Variants in AGPAT4 observed in about 807,000 individuals in gnomAD.
AGPAT4 encodes the protein 1-acylglycerol-3-phosphate O-acyltransferase 4.
In AGPAT4, 15 loss-of-function variants were observed where a neutral mutation model predicts 48.0. The observed-to-expected ratio is 0.31, with a 90% confidence interval of 0.21 to 0.48. AGPAT4 has a LOEUF of 0.48. Among genes scored for constraint, AGPAT4 ranks in the 20% least tolerant of loss-of-function variants. AGPAT4 has a pLI of 0.99. For missense variants in AGPAT4, 314 were observed against 482.5 expected (o/e 0.65, Z 3.27); for synonymous variants, 178 against 198.7 (o/e 0.90, Z 0.88).
chr6:161,154,223 G>A lies in AGPAT4; in HGVS notation c.436C>T (p.Arg146Cys). The change falls in exon 4 of 9, where the codon CGC (arginine) becomes TGC (cysteine). Residue 146 changes from arginine to cysteine, a missense_variant. By Grantham distance (180) the Arg-to-Cys change is radical (BLOSUM62 -3). Transcript: ENST00000320285. This position sits in a 1 kb window ranked among gnomAD's most constrained non-coding sequence, Gnocchi z 7.8. ...GTCTTGCGATCCTGCTCCCACTTGC[G>A]CGAACAGAAGACCATCTCGGTGAAG... Reference protein sequence around the residue: ...WYFTEMVFCSRKWEQDRKTVA... With the variant: ...WYFTEMVFCSCKWEQDRKTVA... The A allele has an allele frequency of 4.3e-6, 7 of 1,614,068 alleles. No individual in the cohort carries two copies. The highest frequency in any genetic ancestry group is 4.2e-6 in the Non-Finnish European group (5 of 1,180,010).
chr6:161,236,114 G>A lies in AGPAT4; in HGVS notation c.-89-3812C>T, dbSNP rs543291998. Among the ~76,000 whole-genome samples the A allele has an allele frequency of 9.2e-5, 14 of 152,242 alleles. No homozygotes were observed. The highest frequency in any genetic ancestry group is 2.9e-4 in the African/African-American group (12 of 41,530). On this transcript the variant is annotated intron_variant, in intron 1 of 8. Coordinates refer to ENST00000320285, the MANE Select transcript of AGPAT4 (RefSeq NM_020133.3). This position sits in a 1 kb window ranked among gnomAD's most constrained non-coding sequence, Gnocchi z 5.0. ...GCTTTGCAAGTACCTAGAATGTGACGGAAAGAGTCTTTCCAGCAAATCCAC... is the reference window on the plus strand; with the variant it reads ...GCTTTGCAAGTACCTAGAATGTGACAGAAAGAGTCTTTCCAGCAAATCCAC...
rs1204865767 is a variant in AGPAT4, at chr6:161,259,003, G to T, written c.-90+14935C>A. ...AGTAGAGACAGGGTTTCATCATACA[G>T]GCAAGGCTGGTATCAAACTCCTGAC... On this transcript the variant is annotated intron_variant, in intron 1 of 8. Transcript: ENST00000320285. The surrounding 1 kb of genome is among the most constrained non-coding windows in gnomAD (Gnocchi z 4.9). Among the ~76,000 whole-genome samples the T allele has an allele frequency of 6.6e-6, 1 of 151,970 alleles. No individual in the cohort carries two copies. Among genetic ancestry groups the T allele is most frequent in the Non-Finnish European group, 1.5e-5 (1 of 68,002 alleles).
intron 2 of AGPAT4, among the ~76,000 whole-genome samples, chr6:161,228,893 C>G (rs1174503756): frequency 6.6e-6 from 1 of 151,848 alleles, no homozygotes; most frequent in Non-Finnish European, 1.5e-5. Context: ...ACAAAGCAAC[C>G]CTCTAAAAAT....
intron 2 of AGPAT4, among the ~76,000 whole-genome samples, chr6:161,190,588 A>AG (rs1491261759): frequency 2.3e-5 from 1 of 43,678 alleles, no homozygotes; most frequent in East Asian, 2.3e-3. Context: ...AAACCAAGGG[A>AG]AAAAAAAAAA....
rs752091894 is a variant in AGPAT4 at position 161,217,513 on chromosome 6, G to T, written c.178+14523C>A. On this transcript the variant is annotated intron_variant, in intron 2 of 8. Coordinates refer to ENST00000320285, the MANE Select transcript of AGPAT4 (RefSeq NM_020133.3). This position sits in a 1 kb window ranked among gnomAD's most constrained non-coding sequence, Gnocchi z 4.9. ...GTGTGTCCCTGGGGGAGTCCATCAG[G>T]TGCATGGTAATCCAGTATGAAGGCA... Among the ~76,000 whole-genome samples the T allele has an allele frequency of 1.6e-4, 24 of 152,300 alleles. No individual in the cohort carries two copies. The highest frequency in any genetic ancestry group is 9.8e-4 in the Admixed American group (15 of 15,308).
rs1341562006 is a variant in AGPAT4 at position 161,233,241 on chromosome 6, C to G, written c.-89-939G>C. Among the ~76,000 whole-genome samples the G allele has an allele frequency of 6.6e-6, 1 of 152,008 alleles. No individual in the cohort carries two copies. Among genetic ancestry groups the G allele is most frequent in the Non-Finnish European group, 1.5e-5 (1 of 68,026 alleles). On this transcript the variant is annotated intron_variant, in intron 1 of 8. Transcript: ENST00000320285. The surrounding 1 kb of genome is among the most constrained non-coding windows in gnomAD (Gnocchi z 5.4). ...CCTGTAATCAGTCTCCAGCTCAAAACAGAATAATGAAATGACTTTACAGTT... is the reference window on the plus strand; with the variant it reads ...CCTGTAATCAGTCTCCAGCTCAAAAGAGAATAATGAAATGACTTTACAGTT...
At chr6:161,170,199 T>C (rs1780224365) in intron 2 of AGPAT4, among the ~76,000 whole-genome samples, 1 of 152,152 alleles carries the variant, frequency 6.6e-6, no homozygotes, top group South Asian at 2.1e-4. Context: ...CCGCCTGCCC[T>C]GTGGACTGCA....
chr6:161,194,576 G>A (rs867520099), intron 2 of AGPAT4, among the ~76,000 whole-genome samples: 1 of 146,262 alleles, frequency 6.8e-6, no homozygotes, highest in Non-Finnish European at 1.5e-5. Flanking sequence ...ATGTGTATGT[G>A]TGTATATATG....
At position 161,146,989 on chromosome 6, in the gene AGPAT4, A is replaced by G. The variant is rs1383392155; in HGVS notation, c.768-390T>C. ...AATCCAATATACACAGAATCGATGCATCAGAGACAATAACCTAGTAATTTC... is the reference window on the plus strand; with the variant it reads ...AATCCAATATACACAGAATCGATGCGTCAGAGACAATAACCTAGTAATTTC... On this transcript the variant is annotated intron_variant, in intron 6 of 8. Coordinates refer to ENST00000320285, the MANE Select transcript of AGPAT4 (RefSeq NM_020133.3). This position sits in a 1 kb window ranked among gnomAD's most constrained non-coding sequence, Gnocchi z 7.1. 6.6e-6 allele frequency among the ~76,000 whole-genome samples: 1 copy of G among 152,216 alleles called. No individual in the cohort carries two copies. The highest frequency in any genetic ancestry group is 1.5e-5 in the Non-Finnish European group (1 of 68,034).
chr6:161,268,724 C>T (rs3798952), intron 1 of AGPAT4, among the ~76,000 whole-genome samples: 6,383 of 152,254 alleles, frequency 0.042, 286 homozygotes, highest in East Asian at 0.24. Context: ...TAAATGTTTT[C>T]TCCCAAGGTC....
intron 1 of AGPAT4, among the ~76,000 whole-genome samples, chr6:161,260,513 G>A (rs188001033): frequency 2.4e-4 from 37 of 151,768 alleles, no homozygotes; most frequent in African/African-American, 3.6e-4. Context: ...TTAACCAGGC[G>A]TGGTGGCACA....
chr6:161,190,798 G>C (rs572970735), intron 2 of AGPAT4, among the ~76,000 whole-genome samples: 1 of 152,122 alleles, frequency 6.6e-6, no homozygotes, highest in Non-Finnish European at 1.5e-5. Flanking sequence ...ATAAAGACAA[G>C]CAGAAATAAA....
At chr6:161,188,687 G>A (rs1025709271) in intron 2 of AGPAT4, among the ~76,000 whole-genome samples, 2 of 152,074 alleles carry the variant, frequency 1.3e-5, no homozygotes, top group Non-Finnish European at 2.9e-5. Context: ...TAAATCTGGC[G>A]ATTCCAGTCC....
chr6:161,193,537 G>A (rs1441985490), intron 2 of AGPAT4, among the ~76,000 whole-genome samples: 1 of 152,164 alleles, frequency 6.6e-6, no homozygotes, highest in African/African-American at 2.4e-5. Flanking sequence ...ATTATCCTCA[G>A]CTCAACTCAG....
Position 161,131,255 on chromosome 6 carries a change from T to C in AGPAT4, c.*5285A>G. The C allele has an allele frequency of 5.2e-6, 1 of 192,682 alleles. No homozygotes were observed. The highest frequency in any genetic ancestry group is 9.6e-5 in the South Asian group (1 of 10,414). 11.9% of individuals were successfully genotyped at this position (192,682 alleles called of 1,614,324 possible). Reference sequence around the variant, plus strand: ...TTTCCAGATACTGAAAAGATCTAAGTAGGTGCTTAAGAACTGCTTTTTAAC... The same window carrying C: ...TTTCCAGATACTGAAAAGATCTAAGCAGGTGCTTAAGAACTGCTTTTTAAC... On this transcript the variant is annotated 3_prime_UTR_variant, in exon 9 of 9. Coordinates refer to ENST00000320285, the MANE Select transcript of AGPAT4 (RefSeq NM_020133.3).
At position 161,205,752 on chromosome 6, in the gene AGPAT4, T is replaced by TAAC. The variant is rs776344147; in HGVS notation, c.178+26283_178+26284insGTT. The stretch of plus-strand genomic sequence containing the variant: ...GTTGAAATTACAATAATAATAATAA[T>TAAC]AATAATAATAACAACAAACATGCCA... On this transcript the variant is annotated intron_variant, in intron 2 of 8. Transcript: ENST00000320285. Among the ~76,000 whole-genome samples the TAAC allele has an allele frequency of 5.9e-3, 678 of 114,636 alleles. 3 individuals are homozygous for TAAC. Among genetic ancestry groups the TAAC allele is most frequent in the Non-Finnish European group, 8.2e-3 (469 of 56,962 alleles). 75.2% of individuals were successfully genotyped at this position (114,636 alleles called of 152,430 possible). A position where few individuals can be genotyped will look rare whatever the true frequency, so the allele number is the denominator to read the frequency against.
chr6:161,230,634 C>T (rs889878614), intron 2 of AGPAT4, among the ~76,000 whole-genome samples: 5 of 152,188 alleles, frequency 3.3e-5, no homozygotes, highest in Non-Finnish European at 4.4e-5. Context: ...TCTATACCAC[C>T]GTAGAAGGGT....
chr6:161,256,326 G>A (rs1013245285), intron 1 of AGPAT4, among the ~76,000 whole-genome samples: 3 of 152,292 alleles, frequency 2.0e-5, no homozygotes, highest in Non-Finnish European at 4.4e-5. Flanking sequence ...TGACGGCAGC[G>A]ACCGCCACCA....
rs1174137054 is a variant in AGPAT4 at position 161,158,915 on chromosome 6, T to C, written c.349-4605A>G. Among the ~76,000 whole-genome samples, 4 of 152,330 alleles carry C rather than the reference T, an allele frequency of 2.6e-5. No homozygotes were observed. The highest frequency in any genetic ancestry group is 3.9e-4 in the East Asian group (2 of 5,170). ...GAACCCCTCAGGGGCTGAGGCTCTA[T>C]GGCCAGCTTTGTTTGCAAACGTCCA... On this transcript the variant is annotated intron_variant, in intron 3 of 8. Coordinates refer to ENST00000320285, the MANE Select transcript of AGPAT4 (RefSeq NM_020133.3). This position sits in a 1 kb window ranked among gnomAD's most constrained non-coding sequence, Gnocchi z 5.3.
Sources: gnomAD v4.1 joint callset for allele counts (sites outside exome capture counted in the v4.1 genomes callset) on GRCh38, gnomAD v4.1.1 for gene constraint, Gnocchi (gnomAD v3.1) non-coding constraint, MANE v1.5 for transcripts, NCBI Gene and HGNC (gene_info 2026-07-23, HGNC 2026-07-21) for gene names.